The following C16orf78 variants were observed in gnomAD, a reference collection of about 807,000 sequenced individuals.
C16orf78 encodes the protein chromosome 16 open reading frame 78.
In C16orf78, 19 loss-of-function variants were observed where a neutral mutation model predicts 27.3. The observed-to-expected ratio is 0.70, with a 90% confidence interval of 0.49 to 1.02. C16orf78 has a LOEUF of 1.02. Ranked by LOEUF, C16orf78 falls within the 50% of genes least tolerant of loss-of-function variation. The pLI, the probability that C16orf78 is intolerant of heterozygous loss-of-function variation, is 0.00. For synonymous variants in C16orf78, 130 were observed against 116.1 expected (o/e 1.12, Z -0.77); for missense variants, 339 against 337.0 (o/e 1.01, Z -0.05).
At chr16:49,377,871 C>A (rs1392173325) in intron 2 of C16orf78, 21 bp downstream of exon 2, 3 of 1,554,778 alleles carry the variant, frequency 1.9e-6, no homozygotes, top group Non-Finnish European at 2.6e-6. Context: ...CCCTCTTCCC[C>A]CACTCACCCC....
At chr16:49,393,638 C>A (rs952357543) in intron 3 of C16orf78, among the ~76,000 whole-genome samples, 16 of 151,996 alleles carry the variant, frequency 1.1e-4, no homozygotes, top group African/African-American at 3.9e-4. Flanking sequence ...AGTAATAATT[C>A]TTTATAAAAC....
intron 3 of C16orf78, among the ~76,000 whole-genome samples, chr16:49,391,064 C>G (rs933828477): frequency 6.6e-6 from 1 of 152,196 alleles, no homozygotes; most frequent in Non-Finnish European, 1.5e-5. Context: ...GCTACCCCAT[C>G]TTGGCTGAAG....
intron 3 of C16orf78, among the ~76,000 whole-genome samples, chr16:49,392,570 T>A (rs1965426336): frequency 6.6e-6 from 1 of 152,156 alleles, no homozygotes; most frequent in Non-Finnish European, 1.5e-5. Flanking sequence ...AGAGAATAAC[T>A]AATAACCATA....
At chr16:49,384,578 T>C (rs1445732702) in intron 3 of C16orf78, among the ~76,000 whole-genome samples, 1 of 151,682 alleles carries the variant, frequency 6.6e-6, no homozygotes, top group Non-Finnish European at 1.5e-5. Context: ...AGTGAAACAA[T>C]ACATATTATG....
chr16:49,380,846 C>T (rs548568405), intron 3 of C16orf78, among the ~76,000 whole-genome samples: 501 of 152,190 alleles, frequency 3.3e-3, no homozygotes, highest in Middle Eastern at 0.01. Context: ...CAGCTTTCTA[C>T]ATATGGCAAG....
At chr16:49,383,289 G>A (rs1206831543) in intron 3 of C16orf78, among the ~76,000 whole-genome samples, 1 of 152,232 alleles carries the variant, frequency 6.6e-6, no homozygotes, top group Non-Finnish European at 1.5e-5. Context: ...GGACTAAAAT[G>A]AATGGGTATG....
chr16:49,383,842 C>G (rs527720897), intron 3 of C16orf78, among the ~76,000 whole-genome samples: 1 of 152,102 alleles, frequency 6.6e-6, no homozygotes, highest in East Asian at 1.9e-4. Context: ...TAAACAAATA[C>G]GTTGAGTTTC....
chr16:49,393,387 G>A (rs985471479), intron 3 of C16orf78, among the ~76,000 whole-genome samples: 2 of 152,106 alleles, frequency 1.3e-5, no homozygotes, highest in African/African-American at 4.8e-5. Flanking sequence ...AAAATCACCT[G>A]TGTGCTTTGT....
Position 49,384,020 on chromosome 16 carries a change from A to G in C16orf78, c.394+5427A>G, listed in dbSNP as rs114093199. ...AAATAGGAAAACAATATTTGGACAAAATGAATTCAGCAATGGAATATAAAC... is the reference window on the plus strand; with the variant it reads ...AAATAGGAAAACAATATTTGGACAAGATGAATTCAGCAATGGAATATAAAC... On this transcript the variant is annotated intron_variant, in intron 3 of 4. Transcript: ENST00000299191. Among the ~76,000 whole-genome samples, 181 of 152,338 alleles carry G rather than the reference A, an allele frequency of 1.2e-3. 1 individual carries two copies. Among genetic ancestry groups the G allele is most frequent in the African/African-American group, 3.4e-3 (140 of 41,572 alleles).
rs373637026 is a variant in C16orf78, at chr16:49,378,500, G to A, written c.301G>A (p.Ala101Thr). The A allele has an allele frequency of 4.5e-5, 72 of 1,602,420 alleles. No individual in the cohort carries two copies. Among genetic ancestry groups the A allele is most frequent in the Non-Finnish European group, 5.7e-5 (67 of 1,174,194 alleles). The change falls in exon 3 of 5, where the codon GCC (alanine) becomes ACC (threonine). Residue 101 changes from alanine to threonine, a missense_variant. By Grantham distance (58) the Ala-to-Thr change is moderately conservative (BLOSUM62 0). Transcript: ENST00000299191. Reference sequence around the variant, plus strand: ...AGGAAAGAGATTCAGGAAGGACGCCGCCTCCTACCGAAGCCTCTATGGAGT... The same window carrying A: ...AGGAAAGAGATTCAGGAAGGACGCCACCTCCTACCGAAGCCTCTATGGAGT... ...ALGKRFRKDA[A>T]SYRSLYGVEQ...
At chr16:49,393,003 T>C (rs1275543041) in intron 3 of C16orf78, among the ~76,000 whole-genome samples, 1 of 152,230 alleles carries the variant, frequency 6.6e-6, no homozygotes, top group Non-Finnish European at 1.5e-5. Flanking sequence ...GCACAAGTTA[T>C]TCTTGCGTGC....
At chr16:49,384,551 C>A (rs1157741613) in intron 3 of C16orf78, among the ~76,000 whole-genome samples, 1 of 151,518 alleles carries the variant, frequency 6.6e-6, no homozygotes, top group Non-Finnish European at 1.5e-5. Context: ...AGCCAACAGA[C>A]TTATGGTACA....
At chr16:49,380,572 T>G (rs1943147535) in intron 3 of C16orf78, among the ~76,000 whole-genome samples, 1 of 152,202 alleles carries the variant, frequency 6.6e-6, no homozygotes. Flanking sequence ...GAAGTCATTG[T>G]GTGTAAATAC....
At chr16:49,384,759 A>G (rs1965327780) in intron 3 of C16orf78, among the ~76,000 whole-genome samples, 1 of 152,242 alleles carries the variant, frequency 6.6e-6, no homozygotes, top group Non-Finnish European at 1.5e-5. Context: ...TAAATTGTCA[A>G]AAGTCAAAGA....
chr16:49,389,775 C>T (rs762525620), intron 3 of C16orf78, among the ~76,000 whole-genome samples: 2 of 152,118 alleles, frequency 1.3e-5, no homozygotes, highest in Admixed American at 1.3e-4. Context: ...ATATTATAAA[C>T]CCCGCAAGTG....
intron 3 of C16orf78, among the ~76,000 whole-genome samples, chr16:49,392,655 G>A (rs535661473): frequency 6.6e-6 from 1 of 152,266 alleles, no homozygotes; most frequent in African/African-American, 2.4e-5. Context: ...GAAATCTAGG[G>A]AGAACCTGCT....
intron 3 of C16orf78, among the ~76,000 whole-genome samples, chr16:49,381,200 T>C (rs891113940): frequency 6.6e-6 from 1 of 152,222 alleles, no homozygotes; most frequent in African/African-American, 2.4e-5. Flanking sequence ...GGGGATGGCA[T>C]TGAATCTGTA....
intron 3 of C16orf78, among the ~76,000 whole-genome samples, chr16:49,381,118 T>C (rs1373372816): frequency 1.3e-5 from 2 of 152,240 alleles, no homozygotes; most frequent in Non-Finnish European, 2.9e-5. Flanking sequence ...CGATGCGAGC[T>C]GTTTTTTGGT....
chr16:49,378,644 C>A (rs1409092267), intron 3 of C16orf78, 51 bp downstream of exon 3: 1 of 1,609,236 alleles, frequency 6.2e-7, no homozygotes. Context: ...CCATAATCTC[C>A]TCCTCTAGAA....
Sources: allele counts gnomAD v4.1 joint callset (sites outside exome capture counted in the v4.1 genomes callset), GRCh38; gene constraint gnomAD v4.1.1; transcripts MANE v1.5; gene names NCBI Gene and HGNC (gene_info 2026-07-23, HGNC 2026-07-21).